TGFA: variants seen among roughly 807,000 people sequenced by gnomAD.
TGFA encodes the protein transforming growth factor alpha, also known as protransforming growth factor alpha.
TGFA carries 12 observed loss-of-function variants against 21.7 expected under a neutral mutation model. The observed-to-expected ratio is 0.55, with a 90% CI of 0.35 to 0.90. TGFA has a LOEUF of 0.90. Ranked by LOEUF, TGFA falls within the 40% of genes least tolerant of loss-of-function variation. The pLI, the probability that TGFA is intolerant of heterozygous loss-of-function variation, is 0.01. For missense variants in TGFA, 178 were observed against 210.8 expected, an observed-to-expected ratio of 0.84 and a Z score of 0.96; for synonymous variants, 79 against 88.1, an observed-to-expected ratio of 0.90 and a Z score of 0.58.
At chr2:70,528,046 A>G (rs868949865) in intron 1 of TGFA, among the ~76,000 whole-genome samples, 2 of 152,202 alleles carry the variant, frequency 1.3e-5, no homozygotes, top group Admixed American at 6.5e-5. Context: ...CTGATTGCAA[A>G]GACAGACAAA....
chr2:70,502,429 T>C (rs1671764960), intron 2 of TGFA, among the ~76,000 whole-genome samples: 1 of 152,294 alleles, frequency 6.6e-6, no homozygotes, highest in Admixed American at 6.5e-5. Context: ...AACCTTCGCT[T>C]CCCGGGTTCA....
chr2:70,545,805 A>G (rs1553505813), intron 1 of TGFA, among the ~76,000 whole-genome samples: 1 of 152,180 alleles, frequency 6.6e-6, no homozygotes. Flanking sequence ...TAAACAAAAC[A>G]GTAAAAGATA....
At chr2:70,553,400 G>T (rs1409630922) in intron 1 of TGFA, 3 of 1,449,080 alleles carry the variant, frequency 2.1e-6, no homozygotes, top group Non-Finnish European at 2.7e-6. Flanking sequence ...CAGGTAAGCA[G>T]GTAGGTGTAG....
chr2:70,466,162 G>A (rs550282968), intron 2 of TGFA, among the ~76,000 whole-genome samples: 2 of 152,304 alleles, frequency 1.3e-5, no homozygotes, highest in East Asian at 3.9e-4. Context: ...AGAAGCAGAA[G>A]AGTTAATGAT....
chr2:70,468,858 GTAA>G (rs763364657), intron 2 of TGFA, among the ~76,000 whole-genome samples: 1 of 152,100 alleles, frequency 6.6e-6, no homozygotes, highest in Non-Finnish European at 1.5e-5. Context: ...ATATTACAAT[GTAA>G]TAATAATAGA....
At chr2:70,511,990 G>A (rs112548269) in intron 2 of TGFA, among the ~76,000 whole-genome samples, 101 of 141,342 alleles carry the variant, frequency 7.1e-4, no homozygotes, top group African/African-American at 2.2e-3. Context: ...TTTGAGCTGC[G>A]CCCACCACAG....
At position 70,505,457 on chromosome 2, in the gene TGFA, C is replaced by T. The variant is rs61383137; in HGVS notation, c.94+9402G>A. On this transcript the variant is annotated intron_variant, in intron 2 of 5. Transcript: ENST00000295400. ...TCCTGTGGACTGTTAGGTGATTAAT[C>T]GTATTTCTATTTTTCATATCTAAGA... is the stretch of plus-strand genomic sequence containing the variant. Among the ~76,000 whole-genome samples, 362 of 152,082 alleles carry T rather than the reference C, an allele frequency of 2.4e-3. 1 individual carries two copies. Among genetic ancestry groups the T allele is most frequent in the African/African-American group, 8.4e-3 (349 of 41,478 alleles).
intron 2 of TGFA, among the ~76,000 whole-genome samples, chr2:70,486,266 G>T (rs371334997): frequency 4.0e-4 from 61 of 152,286 alleles, no homozygotes; most frequent in Non-Finnish European, 7.1e-4. Flanking sequence ...GCCCTTAAGG[G>T]ACGAAGGGTA....
chr2:70,507,180 G>A (rs1252295922), intron 2 of TGFA, among the ~76,000 whole-genome samples: 3 of 152,192 alleles, frequency 2.0e-5, no homozygotes, highest in Non-Finnish European at 4.4e-5. Context: ...TCGGAGCCTC[G>A]GCAGGTGCAG....
At chr2:70,470,062 G>T (rs964046359) in intron 2 of TGFA, among the ~76,000 whole-genome samples, 81 of 151,998 alleles carry the variant, frequency 5.3e-4, no homozygotes, top group Non-Finnish European at 6.2e-4. Flanking sequence ...GGAGAGAGAC[G>T]GGAGAGAGGG....
At chr2:70,499,777 G>A (rs1393562435) in intron 2 of TGFA, among the ~76,000 whole-genome samples, 1 of 152,172 alleles carries the variant, frequency 6.6e-6, no homozygotes, top group Non-Finnish European at 1.5e-5. Flanking sequence ...ACAGCTGGCT[G>A]CAGCACAATA....
At chr2:70,553,308 A>G in intron 1 of TGFA, 2 of 1,524,212 alleles carry the variant, frequency 1.3e-6, no homozygotes, top group South Asian at 1.2e-5. Flanking sequence ...AGACCCGGCC[A>G]GAGGGTTAGA....
At chr2:70,480,130 T>C (rs1671068505) in intron 2 of TGFA, among the ~76,000 whole-genome samples, 1 of 152,226 alleles carries the variant, frequency 6.6e-6, no homozygotes, top group Non-Finnish European at 1.5e-5. Flanking sequence ...ATCTATTTGG[T>C]AGAAGCAGGA....
At chr2:70,497,288 G>A (rs1671604542) in intron 2 of TGFA, among the ~76,000 whole-genome samples, 1 of 152,178 alleles carries the variant, frequency 6.6e-6, no homozygotes, top group South Asian at 2.1e-4. Context: ...TGATATGAGA[G>A]ATGCAGTATT....
intron 1 of TGFA, among the ~76,000 whole-genome samples, chr2:70,552,142 C>T (rs1277833263): frequency 6.6e-6 from 1 of 152,186 alleles, no homozygotes; most frequent in Non-Finnish European, 1.5e-5. Context: ...TATTCACATT[C>T]CTTCCACGTT....
chr2:70,515,722 G>C (rs1184089742), intron 1 of TGFA, among the ~76,000 whole-genome samples: 1 of 152,094 alleles, frequency 6.6e-6, no homozygotes. Context: ...CCACCATGCC[G>C]TACCCTGAGA....
chr2:70,504,481 C>CATATATATATATATATATAT (rs1165031730), intron 2 of TGFA, among the ~76,000 whole-genome samples: 2 of 72,976 alleles, frequency 2.7e-5, no homozygotes, highest in East Asian at 7.5e-4. Flanking sequence ...TACATACATA[C>CATATATATATATATATATAT]ATACACACAC....
intron 4 of TGFA, among the ~76,000 whole-genome samples, chr2:70,455,443 C>A (rs1670201303): frequency 1.3e-5 from 2 of 152,204 alleles, no homozygotes; most frequent in African/African-American, 4.8e-5. Context: ...CAGAGGGGCC[C>A]ATCCACTGAC....
At position 70,495,251 on chromosome 2, in the gene TGFA, T is replaced by C. The variant is rs146975315; in HGVS notation, c.94+19608A>G. 2.5e-3 allele frequency among the ~76,000 whole-genome samples: 387 copies of C among 152,378 alleles called. 1 individual carries two copies. Among genetic ancestry groups the C allele is most frequent in the Non-Finnish European group, 3.6e-3 (243 of 68,034 alleles). On this transcript the variant is annotated intron_variant, in intron 2 of 5. Coordinates refer to ENST00000295400, the MANE Select transcript of TGFA (RefSeq NM_003236.4). ...CAGCTTATGCATAACTGGGTTTCTTTTGGAGCTTGCCATGCTGGCTCATGA... is the reference window on the plus strand; with the variant it reads ...CAGCTTATGCATAACTGGGTTTCTTCTGGAGCTTGCCATGCTGGCTCATGA...
Sources: gnomAD v4.1 joint callset for allele counts (sites outside exome capture counted in the v4.1 genomes callset) on GRCh38, gnomAD v4.1.1 for gene constraint, MANE v1.5 for transcripts, NCBI Gene and HGNC (gene_info 2026-07-23, HGNC 2026-07-21) for gene names.